RPS6KC1: variants seen among roughly 807,000 people sequenced by gnomAD.
RPS6KC1 encodes inactive ribosomal protein S6 kinase delta-1.
RPS6KC1 carries 54 observed loss-of-function variants against 103.8 expected under a neutral mutation model. The ratio of observed to expected loss-of-function variants is 0.52; its 90% CI spans 0.42 to 0.65. RPS6KC1 has a LOEUF of 0.65. RPS6KC1 is among the 30% of genes least tolerant of loss of function. The pLI, the probability that RPS6KC1 is intolerant of heterozygous loss-of-function variation, is 0.00. For synonymous variants in RPS6KC1, 439 were observed against 438.7 expected (o/e 1.00, Z -0.01); for missense variants, 1,151 against 1,253.8 (o/e 0.92, Z 1.24).
chr1:213,166,710 T>G (rs2090996140), intron 6 of RPS6KC1, among the ~76,000 whole-genome samples: 1 of 152,176 alleles, frequency 6.6e-6, no homozygotes, highest in Non-Finnish European at 1.5e-5. Flanking sequence ...TGAAAGTTAT[T>G]TAGCGAAATT....
chr1:213,068,557 A>G (rs1301270368), intron 1 of RPS6KC1, among the ~76,000 whole-genome samples: 1 of 151,158 alleles, frequency 6.6e-6, no homozygotes, highest in African/African-American at 2.4e-5. Context: ...GAAATACTAT[A>G]CTTTTGGAAA....
the RPS6KC1 span, among the ~76,000 whole-genome samples, chr1:213,629,228 G>A: frequency 5.9e-5 from 9 of 152,148 alleles, no homozygotes; most frequent in South Asian, 1.9e-3. Flanking sequence ...AAGTCTCTTT[G>A]TAGGTCTCTA....
chr1:213,233,665 C>T (rs1363150798), intron 10 of RPS6KC1, among the ~76,000 whole-genome samples: 3 of 152,124 alleles, frequency 2.0e-5, no homozygotes, highest in African/African-American at 7.2e-5. Context: ...ATCCCATATA[C>T]CTCTTGAAAC....
intron 1 of RPS6KC1, among the ~76,000 whole-genome samples, chr1:213,063,630 A>G (rs976587742): frequency 3.9e-5 from 6 of 152,234 alleles, no homozygotes; most frequent in Non-Finnish European, 8.8e-5. Context: ...TACTAAATAA[A>G]TAATGAGGAT....
intron 1 of RPS6KC1, among the ~76,000 whole-genome samples, chr1:213,068,483 C>CAAAAAAAAA (rs71147057): frequency 5.5e-5 from 2 of 36,350 alleles, no homozygotes; most frequent in Non-Finnish European, 9.2e-5. Flanking sequence ...GACTCTGTCT[C>CAAAAAAAAA]AAAAAAAAAA....
chr1:213,732,829 A>G, the RPS6KC1 span, among the ~76,000 whole-genome samples: 1 of 152,200 alleles, frequency 6.6e-6, no homozygotes, highest in Non-Finnish European at 1.5e-5. Context: ...AGCCCCTAGT[A>G]ACCATCATTC....
chr1:213,281,580 C>T, the RPS6KC1 span, among the ~76,000 whole-genome samples: 1 of 152,214 alleles, frequency 6.6e-6, no homozygotes, highest in African/African-American at 2.4e-5. Context: ...TGCATCTCGC[C>T]CTTGCCATTT....
At chr1:213,391,585 GA>G in the RPS6KC1 span, among the ~76,000 whole-genome samples, 1 of 152,226 alleles carries the variant, frequency 6.6e-6, no homozygotes, top group Non-Finnish European at 1.5e-5. Context: ...AGGTGGTAAA[GA>G]GGCTCTGGAC....
the RPS6KC1 span, among the ~76,000 whole-genome samples, chr1:213,315,434 A>G: frequency 6.6e-6 from 1 of 152,238 alleles, no homozygotes; most frequent in African/African-American, 2.4e-5. Context: ...TTTTGGACTC[A>G]TGGATGTTTC....
chr1:213,122,256 C>A (rs959373040), intron 5 of RPS6KC1, among the ~76,000 whole-genome samples: 1 of 151,896 alleles, frequency 6.6e-6, no homozygotes, highest in Non-Finnish European at 1.5e-5. Context: ...TAATTCTTTA[C>A]GGTGTGTAGA....
At chr1:213,259,457 G>A (rs1247350753) in intron 12 of RPS6KC1, among the ~76,000 whole-genome samples, 1 of 152,170 alleles carries the variant, frequency 6.6e-6, no homozygotes, top group Non-Finnish European at 1.5e-5. Context: ...CAGCTACTTG[G>A]GAGGCTGAGG....
At chr1:213,215,274 A>T (rs968230184) in intron 8 of RPS6KC1, among the ~76,000 whole-genome samples, 5 of 152,246 alleles carry the variant, frequency 3.3e-5, no homozygotes, top group Non-Finnish European at 7.3e-5. Context: ...AAGAAAGGGT[A>T]TCAGTGATGG....
At chr1:213,331,068 T>G in the RPS6KC1 span, among the ~76,000 whole-genome samples, 1 of 152,148 alleles carries the variant, frequency 6.6e-6, no homozygotes, top group African/African-American at 2.4e-5. Context: ...AAGAGAGAAA[T>G]AAACATTTAG....
chr1:213,687,430 C>T, the RPS6KC1 span, among the ~76,000 whole-genome samples: 1 of 134,842 alleles, frequency 7.4e-6, no homozygotes, highest in East Asian at 2.6e-4. Context: ...TCCATGATGT[C>T]CACACCTACT....
chr1:213,603,696 T>TA, the RPS6KC1 span, among the ~76,000 whole-genome samples: 2 of 151,574 alleles, frequency 1.3e-5, no homozygotes, highest in Non-Finnish European at 2.9e-5. Flanking sequence ...CTGTCTGTAC[T>TA]AAAAAATACA....
chr1:213,860,243 A>C, the RPS6KC1 span, among the ~76,000 whole-genome samples: 1 of 151,550 alleles, frequency 6.6e-6, no homozygotes, highest in African/African-American at 2.4e-5. Context: ...TATTTGATAG[A>C]TTTTTTTAAA....
chr1:213,500,211 T>A, the RPS6KC1 span, among the ~76,000 whole-genome samples: 1 of 152,208 alleles, frequency 6.6e-6, no homozygotes. Context: ...TTTTTCCTAT[T>A]TATTAACTTT....
chr1:213,375,192 TAC>T, the RPS6KC1 span, among the ~76,000 whole-genome samples: 3 of 151,482 alleles, frequency 2.0e-5, no homozygotes, highest in Non-Finnish European at 4.4e-5. Context: ...CACATGTACA[TAC>T]ACATATACAC....
At chr1:213,781,851 G>T in the RPS6KC1 span, among the ~76,000 whole-genome samples, 1 of 152,092 alleles carries the variant, frequency 6.6e-6, no homozygotes, top group Admixed American at 6.5e-5. Context: ...GGGGTGGTTC[G>T]TTGTGGCTCA....
Sources: allele counts gnomAD v4.1 joint callset (sites outside exome capture counted in the v4.1 genomes callset), GRCh38; gene constraint gnomAD v4.1.1; transcripts MANE v1.5; gene names NCBI Gene and HGNC (gene_info 2026-07-23, HGNC 2026-07-21).